The following SLC4A10 variants were observed in gnomAD, a reference collection of about 807,000 sequenced individuals.
SLC4A10 encodes the protein sodium-driven chloride bicarbonate exchanger.
SLC4A10 carries 42 observed loss-of-function variants against 137.7 expected under a neutral mutation model. The ratio of observed to expected loss-of-function variants is 0.30; its 90% CI spans 0.24 to 0.39. The LOEUF is 0.39. SLC4A10 is among the 10% of genes least tolerant of loss of function. The pLI is 1.00. For missense variants in SLC4A10, 925 were observed against 1,355.0 expected, an observed-to-expected ratio of 0.68 and a Z score of 4.98; for synonymous variants, 474 against 464.1, an observed-to-expected ratio of 1.02 and a Z score of -0.27.
At chr2:161,642,331 A>AT (rs978050219) in intron 1 of SLC4A10, among the ~76,000 whole-genome samples, 8 of 151,776 alleles carry the variant, frequency 5.3e-5, no homozygotes, top group Admixed American at 2.6e-4. Flanking sequence ...GAAAAAATAC[A>AT]TTTTTTTCTG....
intron 6 of SLC4A10, among the ~76,000 whole-genome samples, chr2:161,863,554 T>C (rs1465557781): frequency 6.6e-6 from 1 of 152,200 alleles, no homozygotes; most frequent in African/African-American, 2.4e-5. Flanking sequence ...GCCAGTGCAT[T>C]GTTTGTGGCT....
chr2:161,702,396 A>G (rs2043217658), intron 1 of SLC4A10, among the ~76,000 whole-genome samples: 1 of 151,928 alleles, frequency 6.6e-6, no homozygotes, highest in South Asian at 2.1e-4. Flanking sequence ...AAGATTAAAT[A>G]CATTGCAAAT....
chr2:161,838,596 A>G (rs560522197), intron 3 of SLC4A10, among the ~76,000 whole-genome samples: 1 of 152,352 alleles, frequency 6.6e-6, no homozygotes, highest in Non-Finnish European at 1.5e-5. Context: ...AATGTCGTGT[A>G]TCCAGAATGT....
chr2:161,723,898 TTG>T (rs1338764899), intron 1 of SLC4A10, among the ~76,000 whole-genome samples: 1 of 152,244 alleles, frequency 6.6e-6, no homozygotes, highest in Non-Finnish European at 1.5e-5. Context: ...CTGTTTAGTG[TTG>T]TAGACATTGC....
At chr2:161,666,288 T>C (rs538564550) in intron 1 of SLC4A10, among the ~76,000 whole-genome samples, 1 of 151,850 alleles carries the variant, frequency 6.6e-6, no homozygotes, top group Admixed American at 6.6e-5. Context: ...AGCTTTGAAA[T>C]GATACTCTTT....
At chr2:161,682,251 TATA>T (rs1349760732) in intron 1 of SLC4A10, among the ~76,000 whole-genome samples, 1 of 152,196 alleles carries the variant, frequency 6.6e-6, no homozygotes. Flanking sequence ...AAGACATGTT[TATA>T]ATTTCATTTA....
chr2:161,691,943 C>A (rs2042046089), intron 1 of SLC4A10, among the ~76,000 whole-genome samples: 1 of 151,928 alleles, frequency 6.6e-6, no homozygotes, highest in African/African-American at 2.4e-5. Context: ...ATTTAGAGGT[C>A]ATGTACATAA....
intron 1 of SLC4A10, among the ~76,000 whole-genome samples, chr2:161,639,864 A>G (rs1008560259): frequency 2.0e-5 from 3 of 152,184 alleles, no homozygotes; most frequent in Non-Finnish European, 4.4e-5. Context: ...GATCTCATAT[A>G]TGAAAAACCC....
chr2:161,699,637 A>C (rs2042931122), intron 1 of SLC4A10, among the ~76,000 whole-genome samples: 1 of 152,172 alleles, frequency 6.6e-6, no homozygotes, highest in Non-Finnish European at 1.5e-5. Flanking sequence ...GATTAAGCCT[A>C]AAAGAAAGTG....
rs2053756568 is a variant in SLC4A10, at chr2:161,787,491, G to T, written c.130+16437G>T. Among the ~76,000 whole-genome samples the T allele has an allele frequency of 2.0e-5, 3 of 152,062 alleles. No individual in the cohort carries two copies. In the South Asian group the frequency reaches 6.2e-4, roughly 32 times the overall value. ...CCAACAAGATCAGGGAAATTTTTCTGAATGATTCCTTTAAATATGTTTCCA... is the reference window on the plus strand; with the variant it reads ...CCAACAAGATCAGGGAAATTTTTCTTAATGATTCCTTTAAATATGTTTCCA... On this transcript the variant is annotated intron_variant, in intron 2 of 26. Transcript: ENST00000446997.
chr2:161,653,442 T>A (rs1018033405), intron 1 of SLC4A10, among the ~76,000 whole-genome samples: 2 of 152,206 alleles, frequency 1.3e-5, no homozygotes, highest in African/African-American at 4.8e-5. Context: ...TCCACAATGG[T>A]TGAACTAATT....
At chr2:161,958,453 G>T (rs1208552678) in intron 20 of SLC4A10, 34 bp from the exon 21 acceptor site, 1 of 1,568,324 alleles carries the variant, frequency 6.4e-7, no homozygotes, top group South Asian at 1.1e-5. Flanking sequence ...ATTTGAAAAT[G>T]ATTTCTGCCT....
intron 1 of SLC4A10, among the ~76,000 whole-genome samples, chr2:161,719,770 G>A (rs1171675876): frequency 1.3e-5 from 2 of 151,742 alleles, no homozygotes; most frequent in Non-Finnish European, 2.9e-5. Context: ...GTAAATTTGA[G>A]TTCATTGTAG....
chr2:161,921,980 C>T (rs1688224716), intron 15 of SLC4A10, among the ~76,000 whole-genome samples: 1 of 152,012 alleles, frequency 6.6e-6, no homozygotes, highest in Admixed American at 6.6e-5. Flanking sequence ...CTGCTATGGG[C>T]CAGGTGCTTG....
chr2:161,910,187 A>G (rs1172978909), intron 15 of SLC4A10, among the ~76,000 whole-genome samples: 1 of 152,154 alleles, frequency 6.6e-6, no homozygotes, highest in African/African-American at 2.4e-5. Context: ...CCTTAAATTC[A>G]TAGTGTATCA....
chr2:161,638,901 A>C (rs2034866132), intron 1 of SLC4A10, among the ~76,000 whole-genome samples: 1 of 151,738 alleles, frequency 6.6e-6, no homozygotes. Flanking sequence ...TTTGAGCTAG[A>C]CCAATTAAGA....
chr2:161,852,441 G>A (rs556583914), intron 4 of SLC4A10, among the ~76,000 whole-genome samples: 22 of 152,272 alleles, frequency 1.4e-4, no homozygotes, highest in African/African-American at 5.3e-4. Context: ...CTCCCCTGAT[G>A]CCACTTCCTT....
chr2:161,890,647 A>G (rs1575484353), intron 10 of SLC4A10, among the ~76,000 whole-genome samples: 1 of 152,072 alleles, frequency 6.6e-6, no homozygotes. Flanking sequence ...TGCTTGGTAA[A>G]TGTTCCTCTA....
chr2:161,804,742 A>G (rs2055745647), intron 3 of SLC4A10, 147 bp downstream of exon 3: 1 of 608,162 alleles, frequency 1.6e-6, no homozygotes, highest in Non-Finnish European at 2.5e-6. Context: ...AGTGGGAGAG[A>G]TAAAGCTTGA....
Sources: allele counts gnomAD v4.1 joint callset (sites outside exome capture counted in the v4.1 genomes callset), GRCh38; gene constraint gnomAD v4.1.1; transcripts MANE v1.5; gene names NCBI Gene and HGNC (gene_info 2026-07-23, HGNC 2026-07-21).